The following KAZN variants were observed in gnomAD, a reference collection of about 807,000 sequenced individuals.
The protein encoded by KAZN is kazrin.
A neutral mutation model predicts 87.4 loss-of-function variants in KAZN; 40 were observed. The observed-to-expected ratio is 0.46, with a 90% confidence interval of 0.36 to 0.60. The LOEUF is 0.60. KAZN is among the 20% of genes least tolerant of loss of function. The pLI, the probability that KAZN is intolerant of heterozygous loss-of-function variation, is 0.00. For synonymous variants in KAZN, 466 were observed against 458.3 expected, an observed-to-expected ratio of 1.02 and a Z score of -0.22; for missense variants, 898 against 1,073.9, an observed-to-expected ratio of 0.84 and a Z score of 2.29.
At chr1:14,329,157 T>C (rs1381138406) in intron 2 of KAZN, among the ~76,000 whole-genome samples, 3 of 152,176 alleles carry the variant, frequency 2.0e-5, no homozygotes, top group African/African-American at 7.2e-5. Context: ...GTCTCCTTCA[T>C]TGGCATCAAT....
chr1:14,018,861 C>T (rs1162172874), intron 1 of KAZN, among the ~76,000 whole-genome samples: 2 of 152,154 alleles, frequency 1.3e-5, no homozygotes, highest in African/African-American at 2.4e-5. Flanking sequence ...TTCCCTGGCT[C>T]TGAGGCTTTA....
At chr1:14,828,135 G>A (rs575476134) in intron 1 of KAZN, among the ~76,000 whole-genome samples, 17 of 152,100 alleles carry the variant, frequency 1.1e-4, no homozygotes, top group African/African-American at 1.4e-4. Flanking sequence ...ACAATCAATC[G>A]ACAAATGCTC....
intron 1 of KAZN, among the ~76,000 whole-genome samples, chr1:14,034,513 C>T (rs773416945): frequency 2.8e-4 from 42 of 152,194 alleles, no homozygotes; most frequent in Non-Finnish European, 4.3e-4. Context: ...AGCTGGGTCA[C>T]GCACAATTTA....
At position 14,021,977 on chromosome 1, in the gene KAZN, C is replaced by T. The variant is rs559813156; in HGVS notation, c.91+128221C>T. ...GCTTTTTTTTTTTTTTTTTTTGTAACGACTTCTCAGGTGCAATGCATCATC... is the reference window on the plus strand; with the variant it reads ...GCTTTTTTTTTTTTTTTTTTTGTAATGACTTCTCAGGTGCAATGCATCATC... On this transcript the variant is annotated intron_variant, in intron 1 of 16. Transcript: ENST00000636203. 2.4e-4 allele frequency among the ~76,000 whole-genome samples: 6 copies of T among 24,940 alleles called. No homozygotes were observed. The East Asian group carries it at 4.8e-3, about 20-fold the overall frequency. 16.4% of individuals were successfully genotyped at this position (24,940 alleles called of 152,430 possible). A position where few individuals can be genotyped will look rare whatever the true frequency, so the allele number is the denominator to read the frequency against.
At chr1:15,003,256 C>G (rs760224227) in intron 2 of KAZN, among the ~76,000 whole-genome samples, 1 of 152,168 alleles carries the variant, frequency 6.6e-6, no homozygotes, top group African/African-American at 2.4e-5. Flanking sequence ...TTGCAAAACA[C>G]AGGGCGTGGA....
chr1:14,813,955 G>C (rs2100796376), intron 1 of KAZN, among the ~76,000 whole-genome samples: 1 of 152,306 alleles, frequency 6.6e-6, no homozygotes, highest in South Asian at 2.1e-4. Context: ...TAATTGTTCT[G>C]TCCCGCTGGG....
chr1:14,267,608 A>C (rs1651592544), intron 2 of KAZN, among the ~76,000 whole-genome samples: 2 of 151,538 alleles, frequency 1.3e-5, no homozygotes, highest in African/African-American at 2.4e-5. Flanking sequence ...TCCCCCATGG[A>C]TACAAAGGGA....
chr1:14,541,291 A>T (rs552405281), intron 2 of KAZN, among the ~76,000 whole-genome samples: 1 of 152,192 alleles, frequency 6.6e-6, no homozygotes, highest in African/African-American at 2.4e-5. Flanking sequence ...TAGATACCCA[A>T]TGTAATTTAT....
intron 1 of KAZN, among the ~76,000 whole-genome samples, chr1:13,991,975 A>T (rs1415447439): frequency 6.6e-6 from 1 of 151,636 alleles, no homozygotes; most frequent in East Asian, 1.9e-4. Context: ...CATAGTCCTC[A>T]CTCTCTACTA....
chr1:14,085,674 G>T (rs551863574), intron 1 of KAZN, among the ~76,000 whole-genome samples: 1 of 151,864 alleles, frequency 6.6e-6, no homozygotes, highest in African/African-American at 2.4e-5. Context: ...TGGACATTTG[G>T]GCTCCTCCTA....
intron 2 of KAZN, among the ~76,000 whole-genome samples, chr1:14,242,339 G>T (rs1308713781): frequency 2.6e-5 from 4 of 152,168 alleles, no homozygotes; most frequent in African/African-American, 9.7e-5. Context: ...ACCCCAGAGA[G>T]GTTGTCTGAG....
chr1:15,042,741 T>TC (rs1673048106), intron 3 of KAZN, among the ~76,000 whole-genome samples: 1 of 152,130 alleles, frequency 6.6e-6, no homozygotes, highest in Non-Finnish European at 1.5e-5. Context: ...GGCCACGTTC[T>TC]CCCTCAGCCT....
chr1:14,305,370 T>C (rs1654846664), intron 2 of KAZN, among the ~76,000 whole-genome samples: 1 of 152,174 alleles, frequency 6.6e-6, no homozygotes, highest in Admixed American at 6.5e-5. Flanking sequence ...CATTTGAACA[T>C]GTATACACTT....
chr1:14,902,931 G>T (rs1216214413), intron 1 of KAZN, among the ~76,000 whole-genome samples: 1 of 141,930 alleles, frequency 7.0e-6, no homozygotes, highest in East Asian at 2.1e-4. Context: ...TGCATGTCAT[G>T]ATCTTGGGTC....
At chr1:14,565,391 C>CAT (rs34915516) in intron 2 of KAZN, among the ~76,000 whole-genome samples, 55,881 of 151,950 alleles carry the variant, frequency 0.37, 10,719 homozygotes, top group Admixed American at 0.47. Context: ...CTTAATTAAA[C>CAT]ATTTTATTCC....
chr1:14,617,267 C>T (rs570322648), intron 1 of KAZN, among the ~76,000 whole-genome samples: 66 of 152,252 alleles, frequency 4.3e-4, no homozygotes, highest in African/African-American at 1.5e-3. Flanking sequence ...AAGTGAGTCA[C>T]ACAAATTTTT....
intron 1 of KAZN, among the ~76,000 whole-genome samples, chr1:14,905,771 G>A (rs1656457702): frequency 6.7e-6 from 1 of 150,108 alleles, no homozygotes; most frequent in Non-Finnish European, 1.5e-5. Flanking sequence ...GTGAACATGG[G>A]AGGGGAGCTT....
intron 2 of KAZN, among the ~76,000 whole-genome samples, chr1:14,383,618 A>T (rs958451028): frequency 5.3e-5 from 8 of 152,052 alleles, no homozygotes; most frequent in African/African-American, 1.9e-4. Flanking sequence ...CAAAGATCAG[A>T]TAGTTGTAGA....
chr1:14,216,869 A>C (rs1646966884), intron 2 of KAZN, among the ~76,000 whole-genome samples: 1 of 152,172 alleles, frequency 6.6e-6, no homozygotes, highest in Non-Finnish European at 1.5e-5. Context: ...TCACCATTGC[A>C]CTACAGCCTA....
Sources: gnomAD v4.1 joint callset for allele counts (sites outside exome capture counted in the v4.1 genomes callset) on GRCh38, gnomAD v4.1.1 for gene constraint, MANE v1.5 for transcripts, NCBI Gene and HGNC (gene_info 2026-07-23, HGNC 2026-07-21) for gene names.